MAOA: variants seen among roughly 807,000 people sequenced by gnomAD.
MAOA encodes the protein monoamine oxidase A, also known as amine oxidase [flavin-containing] A.
A neutral mutation model predicts 42.0 loss-of-function variants in MAOA; 6 were observed. That is an observed-to-expected ratio of 0.14 (90% CI 0.08 to 0.28). The LOEUF is 0.28. Ranked by LOEUF, MAOA falls within the 10% of genes least tolerant of loss-of-function variation. The probability of loss-of-function intolerance (pLI) is 1.00; values close to 1 mark genes in which losing one functional copy is unlikely to be tolerated. For synonymous variants in MAOA, 140 were observed against 154.0 expected, an observed-to-expected ratio of 0.91 and a Z score of 0.67; for missense variants, 262 against 422.3, an observed-to-expected ratio of 0.62 and a Z score of 3.33.
chrX:43,683,780 C>T (rs917782799), intron 2 of MAOA, among the ~76,000 whole-genome samples, 173 bp downstream of exon 2: 4 of 111,429 alleles, frequency 3.6e-5, no homozygotes, highest in Admixed American at 1.9e-4. Flanking sequence ...TTAACATGTA[C>T]GCACTGAAGA....
chrX:43,670,860 G>A (rs1399938396), intron 1 of MAOA, among the ~76,000 whole-genome samples: 4 of 107,884 alleles, frequency 3.7e-5, no homozygotes, highest in Non-Finnish European at 5.7e-5. Flanking sequence ...ATTTAGGTTG[G>A]TTCCAAGTCT....
intron 5 of MAOA, among the ~76,000 whole-genome samples, chrX:43,720,263 G>T (rs56255326): frequency 7.8e-4 from 85 of 108,553 alleles, no homozygotes; most frequent in Admixed American, 1.6e-3. Flanking sequence ...GGGGGAGACA[G>T]GGTGGATTGG....
chrX:43,691,653 A>G (rs1417875717), intron 2 of MAOA, among the ~76,000 whole-genome samples: 1 of 111,720 alleles, frequency 9.0e-6, no homozygotes, highest in Non-Finnish European at 1.9e-5. Flanking sequence ...TTCTACAGGC[A>G]TGTTCTATGT....
In MAOA at chrX:43,731,388, G is replaced by A; in HGVS notation, c.793G>A (p.Glu265Lys). The A allele has an allele frequency of 3.3e-6, 4 of 1,208,728 alleles. No homozygotes were observed. The highest frequency in any genetic ancestry group is 1.7e-5 in the African/African-American group (1 of 57,801). The change falls in exon 7 of 15, where the codon GAG becomes AAG. Residue 265 changes from glutamate (E) to lysine (K), a missense_variant and splice_region_variant. Glu to Lys is a moderately conservative substitution (Grantham distance 56). Coordinates refer to ENST00000338702, the MANE Select transcript of MAOA (RefSeq NM_000240.4). ...IIETLNHEHYECKYVINAIPP... is the reference protein window; with the variant it reads ...IIETLNHEHYKCKYVINAIPP... ...AGAGACGCTGAACCATGAACATTAT[G>A]AGGTAACTCAGTTTAGTCAAAAGGA...
At chrX:43,707,874 C>T (rs1000795627) in intron 3 of MAOA, among the ~76,000 whole-genome samples, 2 of 111,860 alleles carry the variant, frequency 1.8e-5, no homozygotes, top group South Asian at 7.5e-4. Context: ...ATAACACTCA[C>T]TTCCTTTTGC....
chrX:43,682,537 G>A (rs1002384402), intron 1 of MAOA, among the ~76,000 whole-genome samples: 1 of 111,710 alleles, frequency 9.0e-6, no homozygotes, highest in Non-Finnish European at 1.9e-5. Context: ...AAATATCTGC[G>A]AGTCCATATT....
chrX:43,722,306 A>G (rs1490725697), intron 5 of MAOA, among the ~76,000 whole-genome samples: 1 of 112,269 alleles, frequency 8.9e-6, no homozygotes, highest in Non-Finnish European at 1.9e-5. Context: ...CACTCCCACC[A>G]ACATTGTAAA....
intron 3 of MAOA, among the ~76,000 whole-genome samples, chrX:43,709,285 A>G (rs1365149549): frequency 9.0e-6 from 1 of 111,713 alleles, no homozygotes; most frequent in Non-Finnish European, 1.9e-5. Context: ...GGGTCTTTGG[A>G]CCTTGTGTGA....
At chrX:43,668,082 A>G (rs1262348601) in intron 1 of MAOA, among the ~76,000 whole-genome samples, 1 of 112,127 alleles carries the variant, frequency 8.9e-6, no homozygotes, top group Non-Finnish European at 1.9e-5. Context: ...GCTAATGACA[A>G]CAAGGTTGAA....
At chrX:43,729,954 G>A (rs764366125) in intron 6 of MAOA, among the ~76,000 whole-genome samples, 1 of 110,698 alleles carries the variant, frequency 9.0e-6, no homozygotes, top group South Asian at 3.8e-4. Context: ...AGCACTTTTG[G>A]AGGCCAAGGA....
At chrX:43,705,836 A>C (rs2033655413) in intron 3 of MAOA, among the ~76,000 whole-genome samples, 1 of 112,551 alleles carries the variant, frequency 8.9e-6, no homozygotes, top group African/African-American at 3.2e-5. Context: ...AGATATGCAC[A>C]TGATCAATAA....
chrX:43,733,909 T>TA (rs1272546129), intron 9 of MAOA, among the ~76,000 whole-genome samples: 1 of 112,070 alleles, frequency 8.9e-6, no homozygotes, highest in East Asian at 2.8e-4. Context: ...ACTGTTGGAA[T>TA]AACACATCCT....
intron 1 of MAOA, among the ~76,000 whole-genome samples, chrX:43,660,958 C>T (rs1369869590): frequency 8.9e-6 from 1 of 111,969 alleles, no homozygotes; most frequent in East Asian, 2.8e-4. Context: ...ATGTATACTT[C>T]CTTCATGAGT....
chrX:43,709,577 A>G (rs2033684627), intron 3 of MAOA, among the ~76,000 whole-genome samples: 2 of 110,921 alleles, frequency 1.8e-5, no homozygotes, highest in Admixed American at 1.9e-4. Context: ...TTCCAAAGCA[A>G]AGATCAGTTT....
At chrX:43,692,711 G>A (rs1461391552) in intron 2 of MAOA, among the ~76,000 whole-genome samples, 1 of 111,419 alleles carries the variant, frequency 9.0e-6, no homozygotes, top group African/African-American at 3.3e-5. Context: ...CAGCTGAAAA[G>A]CATGGAGAAC....
rs767352456 is a variant in MAOA, at chrX:43,713,614, C to T, written c.503+818C>T. 5.4e-5 allele frequency among the ~76,000 whole-genome samples: 6 copies of T among 111,737 alleles called. No homozygotes were observed. In the South Asian group the frequency reaches 2.3e-3, roughly 42 times the overall value. ...GGCTTACTATGTGAAGGCACCATACCAGGCACTGAGGAATGGGGGTGAACT... is the reference window on the plus strand; with the variant it reads ...GGCTTACTATGTGAAGGCACCATACTAGGCACTGAGGAATGGGGGTGAACT... On this transcript the variant is annotated intron_variant, in intron 5 of 14. Coordinates refer to ENST00000338702, the MANE Select transcript of MAOA (RefSeq NM_000240.4).
At chrX:43,667,072 T>C (rs750081081) in intron 1 of MAOA, among the ~76,000 whole-genome samples, 19 of 109,925 alleles carry the variant, frequency 1.7e-4, no homozygotes, top group African/African-American at 5.0e-4. Flanking sequence ...CACACCAACC[T>C]GGTGCATGTA....
At chrX:43,666,360 G>A (rs2033278233) in intron 1 of MAOA, among the ~76,000 whole-genome samples, 1 of 111,629 alleles carries the variant, frequency 9.0e-6, no homozygotes. Flanking sequence ...AGTTGCTCAG[G>A]TTAAAAACCT....
chrX:43,703,474 C>T (rs1486245920), intron 3 of MAOA, among the ~76,000 whole-genome samples: 2 of 111,839 alleles, frequency 1.8e-5, no homozygotes, highest in South Asian at 3.8e-4. Context: ...AATGATGTGC[C>T]CTTTTGTCCA....
Sources: gnomAD v4.1 joint callset for allele counts (sites outside exome capture counted in the v4.1 genomes callset) on GRCh38, gnomAD v4.1.1 for gene constraint, MANE v1.5 for transcripts, NCBI Gene and HGNC (gene_info 2026-07-23, HGNC 2026-07-21) for gene names.